Variants in PCDHGB2 observed in about 807,000 individuals in gnomAD.
PCDHGB2 encodes the protein protocadherin gamma subfamily B, 2, also known as protocadherin gamma-B2.
Under a neutral mutation model 59.3 loss-of-function variants are expected in PCDHGB2, and 55 were observed. The ratio of observed to expected loss-of-function variants is 0.93; its 90% CI spans 0.75 to 1.16. The LOEUF (loss-of-function observed/expected upper bound fraction) is 1.16. Among genes scored for constraint, PCDHGB2 ranks in the 50% most tolerant of loss-of-function variants. The pLI is 0.00. For missense variants in PCDHGB2, 1,228 were observed against 1,198.5 expected, an observed-to-expected ratio of 1.02 and a Z score of -0.36; for synonymous variants, 516 against 512.0, an observed-to-expected ratio of 1.01 and a Z score of -0.11.
intron 1 of PCDHGB2, among the ~76,000 whole-genome samples, chr5:141,458,513 G>T (rs968604511): frequency 6.8e-6 from 1 of 146,128 alleles, no homozygotes; most frequent in Non-Finnish European, 1.5e-5. Flanking sequence ...TTGACACTTT[G>T]TTTTTTTTTT....
intron 1 of PCDHGB2, among the ~76,000 whole-genome samples, chr5:141,382,039 G>T (rs2150197834): frequency 6.6e-6 from 1 of 151,922 alleles, no homozygotes; most frequent in Non-Finnish European, 1.5e-5. Flanking sequence ...ATGTTGGTCA[G>T]GCTGGTCTCA....
rs767108870 is a variant in PCDHGB2 at position 141,485,169 on chromosome 5, C to T, written c.2422-9638C>T. On this transcript the variant is annotated intron_variant, in intron 1 of 3. Transcript: ENST00000522605. This position sits in a 1 kb window ranked among gnomAD's most constrained non-coding sequence, Gnocchi z 5.7. ...GAGCAAGTAGAGAATTAGCGGGCGG[C>T]AGCAATGCTCCGCAAGGTGAGAAGC... The T allele has an allele frequency of 6.2e-7, 1 of 1,608,524 alleles. No homozygotes were observed. Among genetic ancestry groups the T allele is most frequent in the South Asian group, 1.1e-5 (1 of 90,730 alleles).
chr5:141,436,089 T>C (rs1001252646), intron 1 of PCDHGB2, among the ~76,000 whole-genome samples: 1 of 152,204 alleles, frequency 6.6e-6, no homozygotes, highest in Non-Finnish European at 1.5e-5. Context: ...ATAGGTAATA[T>C]TGAGAGAAAT....
intron 1 of PCDHGB2, among the ~76,000 whole-genome samples, chr5:141,467,032 T>G (rs551565159): frequency 2.0e-5 from 3 of 152,164 alleles, no homozygotes; most frequent in Non-Finnish European, 2.9e-5. Flanking sequence ...GTTTTTGTTT[T>G]TTGTGTAATG....
chr5:141,368,145 T>C (rs1461482681), intron 1 of PCDHGB2, among the ~76,000 whole-genome samples: 1 of 152,222 alleles, frequency 6.6e-6, no homozygotes, highest in African/African-American at 2.4e-5. Context: ...AATTTTGTAC[T>C]TTTAAAACCT....
chr5:141,403,068 C>T, intron 1 of PCDHGB2: 1 of 1,614,064 alleles, frequency 6.2e-7, no homozygotes, highest in South Asian at 1.1e-5. Flanking sequence ...CCTGAAGAGA[C>T]AGAAAAGGGC....
intron 1 of PCDHGB2, among the ~76,000 whole-genome samples, chr5:141,451,644 G>A (rs1730833205): frequency 6.6e-6 from 1 of 152,178 alleles, no homozygotes; most frequent in Non-Finnish European, 1.5e-5. Context: ...CACTCTGAGA[G>A]GCCAAGGAGG....
rs546603908 is a variant in PCDHGB2, at chr5:141,408,104, C to G, written c.2421+45548C>G. ...ACAGCGGATTGCCAGCTCCGAGACCCGGGACTCCTCCTGTCCTGGGCCGAA... is the reference window on the plus strand; with the variant it reads ...ACAGCGGATTGCCAGCTCCGAGACCGGGGACTCCTCCTGTCCTGGGCCGAA... On this transcript the variant is annotated intron_variant, in intron 1 of 3. Coordinates refer to ENST00000522605, the MANE Select transcript of PCDHGB2 (RefSeq NM_018923.3). The G allele has an allele frequency of 2.8e-3, 4,048 of 1,441,886 alleles. 13 individuals carry two copies. Among genetic ancestry groups the G allele is most frequent in the Admixed American group, 6.6e-3 (242 of 36,606 alleles). 89.3% of individuals were successfully genotyped at this position (1,441,886 alleles called of 1,614,324 possible). A position where few individuals can be genotyped will look rare whatever the true frequency, so the allele number is the denominator to read the frequency against.
rs114669158 is a variant in PCDHGB2 at position 141,511,003 on chromosome 5, G to A, written c.2626G>A (p.Ala876Thr). The change falls in exon 4 of 4, where the codon GCC (alanine) becomes ACC (threonine). Residue 876 changes from alanine to threonine, a missense_variant. Physicochemically the swap from Ala to Thr is moderately conservative, Grantham distance 58 (BLOSUM62 0). Coordinates refer to ENST00000522605, the MANE Select transcript of PCDHGB2 (RefSeq NM_018923.3). Reference protein sequence around the residue: ...GGGAGTMGLSARYGPQFTLQH... With the variant: ...GGGAGTMGLSTRYGPQFTLQH... ...GGGTGCCGGCACCATGGGATTGAGCGCCCGCTACGGACCCCAGTTCACCCT... is the reference window on the plus strand; with the variant it reads ...GGGTGCCGGCACCATGGGATTGAGCACCCGCTACGGACCCCAGTTCACCCT... The A allele has an allele frequency of 1.0e-4, 163 of 1,614,148 alleles. 1 individual carries two copies. The highest frequency in any genetic ancestry group is 9.5e-5 in the Non-Finnish European group (112 of 1,180,012).
Position 141,394,523 on chromosome 5 carries a change from C to A in PCDHGB2, c.2421+31967C>A, listed in dbSNP as rs373702756. ...TCCTGTACCCCGCCCTCCCCACAGACGGTTCCACTGGCGTGGAGCTGGCGC... is the reference window on the plus strand; with the variant it reads ...TCCTGTACCCCGCCCTCCCCACAGAAGGTTCCACTGGCGTGGAGCTGGCGC... On this transcript the variant is annotated intron_variant, in intron 1 of 3. Transcript: ENST00000522605. The A allele has an allele frequency of 1.1e-5, 17 of 1,614,116 alleles. No homozygotes were observed. The highest frequency in any genetic ancestry group is 5.3e-5 in the African/African-American group (4 of 74,950).
chr5:141,476,309 A>G lies in PCDHGB2; in HGVS notation c.2422-18498A>G. ...GGATCTCGGTAGCCTCTCAGCCCGC[A>G]GGTTCCGGGTGGTGTCTGGAGCTAG... On this transcript the variant is annotated intron_variant, in intron 1 of 3. Transcript: ENST00000522605. The surrounding 1 kb of genome is among the most constrained non-coding windows in gnomAD (Gnocchi z 7.6). The G allele has an allele frequency of 6.2e-7, 1 of 1,613,966 alleles. No homozygotes were observed. Among genetic ancestry groups the G allele is most frequent in the Non-Finnish European group, 8.5e-7 (1 of 1,179,988 alleles).
chr5:141,366,051 G>A, intron 1 of PCDHGB2: 1 of 1,614,244 alleles, frequency 6.2e-7, no homozygotes, highest in Non-Finnish European at 8.5e-7. Context: ...GGTTCCACGG[G>A]CGTGGAGCTG....
intron 1 of PCDHGB2, chr5:141,419,023 A>C: frequency 6.2e-7 from 1 of 1,613,958 alleles, no homozygotes; most frequent in East Asian, 2.2e-5. Context: ...GCTTAAGTAG[A>C]GGTGTTCCAT....
At chr5:141,393,088 G>A in intron 1 of PCDHGB2, 3 of 1,613,648 alleles carry the variant, frequency 1.9e-6, no homozygotes, top group Non-Finnish European at 2.5e-6. Context: ...AGGATAGATC[G>A]GGAGGAGCTC....
At chr5:141,369,130 A>G (rs1214670751) in intron 1 of PCDHGB2, among the ~76,000 whole-genome samples, 1 of 152,246 alleles carries the variant, frequency 6.6e-6, no homozygotes, top group Non-Finnish European at 1.5e-5. Context: ...CCTGTCAGAA[A>G]CATGGAAAAT....
In PCDHGB2 at chr5:141,476,476, C is replaced by T; in HGVS notation, c.2422-18331C>T. 6.2e-7 allele frequency: 1 copy of T among 1,613,986 alleles called. No homozygotes were observed. The highest frequency in any genetic ancestry group is 8.5e-7 in the Non-Finnish European group (1 of 1,179,992). On this transcript the variant is annotated intron_variant, in intron 1 of 3. Transcript: ENST00000522605. The surrounding 1 kb of genome is among the most constrained non-coding windows in gnomAD (Gnocchi z 7.6). Reference sequence around the variant, plus strand: ...TGGAGAACCCGCTGGAGCTGTTCAGCGTGGAAGTGGTGATCCAGGACATCA... The same window carrying T: ...TGGAGAACCCGCTGGAGCTGTTCAGTGTGGAAGTGGTGATCCAGGACATCA...
chr5:141,389,424 G>A lies in PCDHGB2; in HGVS notation c.2421+26868G>A, dbSNP rs746873845. 51 of 1,613,390 alleles carry A rather than the reference G, an allele frequency of 3.2e-5. No homozygotes were observed. Among genetic ancestry groups the A allele is most frequent in the East Asian group, 8.9e-5 (4 of 44,896 alleles). The stretch of plus-strand genomic sequence containing the variant: ...AAGCGCGGAGAGCGGGGTGGTGTTC[G>A]CGCAGCGCGCCTTCGACCACGAGCA... On this transcript the variant is annotated intron_variant, in intron 1 of 3. Transcript: ENST00000522605.
chr5:141,418,946 G>T (rs2096305161), intron 1 of PCDHGB2: 1 of 1,613,900 alleles, frequency 6.2e-7, no homozygotes, highest in African/African-American at 1.3e-5. Context: ...TTCCCCTCCA[G>T]GAGTGGTTGT....
At position 141,487,100 on chromosome 5, in the gene PCDHGB2, C is replaced by T. The variant is rs183291629; in HGVS notation, c.2422-7707C>T. On this transcript the variant is annotated intron_variant, in intron 1 of 3. Coordinates refer to ENST00000522605, the MANE Select transcript of PCDHGB2 (RefSeq NM_018923.3). The surrounding 1 kb of genome is among the most constrained non-coding windows in gnomAD (Gnocchi z 5.0). ...CCCAGCTGACCTCCCACCACAGAAG[C>T]TGGTCATTGTGGTAAAGGATAGTGG... The T allele has an allele frequency of 5.6e-4, 909 of 1,614,074 alleles. 2 individuals carry two copies. Among genetic ancestry groups the T allele is most frequent in the Non-Finnish European group, 1.4e-4 (168 of 1,179,960 alleles).
Sources: allele counts gnomAD v4.1 joint callset (sites outside exome capture counted in the v4.1 genomes callset), GRCh38; gene constraint gnomAD v4.1.1; non-coding constraint Gnocchi (gnomAD v3.1); transcripts MANE v1.5; gene names NCBI Gene and HGNC (gene_info 2026-07-23, HGNC 2026-07-21).